MAGI3: variants seen among roughly 807,000 people sequenced by gnomAD.
MAGI3 encodes the protein membrane associated guanylate kinase, WW and PDZ domain containing 3, also known as membrane-associated guanylate kinase, WW and PDZ domain-containing protein 3.
Under a neutral mutation model 121.8 loss-of-function variants are expected in MAGI3, and 43 were observed. The observed-to-expected ratio is 0.35, with a 90% CI of 0.28 to 0.46. The LOEUF (loss-of-function observed/expected upper bound fraction) is 0.46. Among genes scored for constraint, MAGI3 ranks in the 20% least tolerant of loss-of-function variants. The pLI, the probability that MAGI3 is intolerant of heterozygous loss-of-function variation, is 1.00. For synonymous variants in MAGI3, 553 were observed against 639.3 expected (o/e 0.86, Z 2.04); for missense variants, 1,547 against 1,797.3 (o/e 0.86, Z 2.52).
chr1:113,466,518 A>G (rs575047708), intron 1 of MAGI3, among the ~76,000 whole-genome samples: 1 of 152,196 alleles, frequency 6.6e-6, no homozygotes, highest in African/African-American at 2.4e-5. Flanking sequence ...GTTTGGATAT[A>G]TTCCCTCTGG....
intron 1 of MAGI3, among the ~76,000 whole-genome samples, chr1:113,448,224 C>T (rs1448473126): frequency 1.3e-5 from 2 of 152,124 alleles, no homozygotes; most frequent in East Asian, 3.9e-4. Context: ...TATGTGAGCA[C>T]GTACAGCTAA....
chr1:113,505,759 C>T (rs1417732522), intron 1 of MAGI3, among the ~76,000 whole-genome samples: 1 of 152,080 alleles, frequency 6.6e-6, no homozygotes, highest in Admixed American at 6.6e-5. Flanking sequence ...GGGAGAAGAA[C>T]CTGTCAGTCA....
At chr1:113,480,734 G>C (rs961397547) in intron 1 of MAGI3, among the ~76,000 whole-genome samples, 1 of 152,142 alleles carries the variant, frequency 6.6e-6, no homozygotes, top group Non-Finnish European at 1.5e-5. Context: ...TTCTCACCTG[G>C]ATTCCTCAGG....
intron 11 of MAGI3, 99 bp downstream of exon 11, chr1:113,643,873 C>T (rs892188097): frequency 1.6e-6 from 2 of 1,274,344 alleles, no homozygotes; most frequent in African/African-American, 3.0e-5. Flanking sequence ...TGATTATCGA[C>T]TGGGAGAAGT....
intron 1 of MAGI3, among the ~76,000 whole-genome samples, chr1:113,420,933 C>G (rs1652702422): frequency 6.6e-6 from 1 of 152,022 alleles, no homozygotes; most frequent in African/African-American, 2.4e-5. Flanking sequence ...AGTTTATGTA[C>G]TTTCAGACAT....
In MAGI3 at chr1:113,622,973, C is replaced by G. The variant is rs761926247; in HGVS notation, c.1339C>G (p.Gln447Glu). 17 of 1,531,036 alleles carry G rather than the reference C, an allele frequency of 1.1e-5. No individual in the cohort carries two copies. The African/African-American group carries it at 1.6e-4, about 14-fold the overall frequency. The allele number at this position is 1,531,036 out of a possible 1,614,324, so 94.8% of individuals were successfully genotyped here. A position where few individuals can be genotyped will look rare whatever the true frequency, so the allele number is the denominator to read the frequency against. Residue 447 changes from glutamine to glutamate, a missense_variant, in exon 9 of 21, where the codon CAG becomes GAG. Physicochemically the swap from Gln to Glu is conservative, Grantham distance 29. Coordinates refer to ENST00000307546, the MANE Select transcript of MAGI3 (RefSeq NM_001142782.2). Reference sequence around the variant, plus strand: ...TGTGCTGAAAGATGGTCCCGCAGCTCAGGATGGGAAAATTGCACCAGGTAA... The same window carrying G: ...TGTGCTGAAAGATGGTCCCGCAGCTGAGGATGGGAAAATTGCACCAGGTAA... ...KNVLKDGPAA[Q>E]DGKIAPGDVI...
At chr1:113,396,099 C>G (rs1034871765) in intron 1 of MAGI3, among the ~76,000 whole-genome samples, 1 of 152,120 alleles carries the variant, frequency 6.6e-6, no homozygotes, top group Non-Finnish European at 1.5e-5. Context: ...ATTCAAGTGT[C>G]TGACTTATGA....
At chr1:113,436,892 G>A (rs1653593287) in intron 1 of MAGI3, among the ~76,000 whole-genome samples, 1 of 142,432 alleles carries the variant, frequency 7.0e-6, no homozygotes. Flanking sequence ...TCGGCTCACT[G>A]CAACCTCTGC....
At chr1:113,646,708 G>C in intron 12 of MAGI3, 66 bp downstream of exon 12, 2 of 1,230,430 alleles carry the variant, frequency 1.6e-6, no homozygotes, top group African/African-American at 3.0e-5. Context: ...TTTTAGACTA[G>C]GACCTTCCCA....
intron 6 of MAGI3, among the ~76,000 whole-genome samples, chr1:113,607,380 T>C (rs1049108144): frequency 3.9e-5 from 6 of 152,162 alleles, no homozygotes; most frequent in African/African-American, 1.2e-4. Context: ...TACAGTTGAT[T>C]TGTGCCCAGT....
chr1:113,675,017 A>G (rs1358499469), intron 19 of MAGI3, among the ~76,000 whole-genome samples: 7 of 152,244 alleles, frequency 4.6e-5, no homozygotes, highest in Non-Finnish European at 1.0e-4. Context: ...GGTTGAGTTT[A>G]CTTAGATTTT....
intron 2 of MAGI3, among the ~76,000 whole-genome samples, chr1:113,550,499 TA>T (rs1659733551): frequency 6.6e-6 from 1 of 151,904 alleles, no homozygotes; most frequent in South Asian, 2.1e-4. Context: ...TAAGATTATA[TA>T]ATCCCAGCAC....
intron 16 of MAGI3, among the ~76,000 whole-genome samples, chr1:113,660,855 C>T (rs1571015181): frequency 6.6e-6 from 1 of 150,518 alleles, no homozygotes; most frequent in Admixed American, 6.6e-5. Context: ...CTTCCTGCCT[C>T]AGCCTCCCAC....
intron 2 of MAGI3, among the ~76,000 whole-genome samples, chr1:113,567,831 A>G (rs1412314525): frequency 1.3e-5 from 2 of 152,090 alleles, no homozygotes; most frequent in South Asian, 2.1e-4. Context: ...TGCCATTACT[A>G]TTCAACATAG....
chr1:113,504,053 G>T (rs966651599), intron 1 of MAGI3, among the ~76,000 whole-genome samples: 2 of 151,910 alleles, frequency 1.3e-5, no homozygotes, highest in African/African-American at 4.8e-5. Flanking sequence ...TAAAAAACTA[G>T]AAAAGAACCA....
At chr1:113,676,629 T>C (rs1480970086) in intron 19 of MAGI3, among the ~76,000 whole-genome samples, 1 of 152,180 alleles carries the variant, frequency 6.6e-6, no homozygotes, top group East Asian at 1.9e-4. Flanking sequence ...ATGAGGGCTT[T>C]GCATATAACT....
At chr1:113,580,001 T>G (rs1398475549) in intron 2 of MAGI3, among the ~76,000 whole-genome samples, 1 of 152,100 alleles carries the variant, frequency 6.6e-6, no homozygotes, top group Non-Finnish European at 1.5e-5. Context: ...ATAACCTGAA[T>G]TTACACCTTG....
chr1:113,473,606 T>C (rs1655655837), intron 1 of MAGI3, among the ~76,000 whole-genome samples: 1 of 152,216 alleles, frequency 6.6e-6, no homozygotes, highest in Non-Finnish European at 1.5e-5. Flanking sequence ...CATCCTTTTT[T>C]TATGACTGCA....
At chr1:113,682,046 T>C (rs1648251046) in intron 20 of MAGI3, among the ~76,000 whole-genome samples, 1 of 151,286 alleles carries the variant, frequency 6.6e-6, no homozygotes, top group African/African-American at 2.4e-5. Flanking sequence ...GAGGGATAAG[T>C]GTAGACATAA....
Sources: allele counts gnomAD v4.1 joint callset (sites outside exome capture counted in the v4.1 genomes callset), GRCh38; gene constraint gnomAD v4.1.1; transcripts MANE v1.5; gene names NCBI Gene and HGNC (gene_info 2026-07-23, HGNC 2026-07-21).